The following UBN2 variants were observed in gnomAD, a reference collection of about 807,000 sequenced individuals.
UBN2 encodes the protein ubinuclein 2.
UBN2 carries 35 observed loss-of-function variants against 120.2 expected under a neutral mutation model. The observed-to-expected ratio is 0.29, with a 90% CI of 0.22 to 0.39. UBN2 has a LOEUF of 0.39. UBN2 is among the 10% of genes least tolerant of loss of function. The pLI is 1.00. For synonymous variants in UBN2, 661 were observed against 648.7 expected, an observed-to-expected ratio of 1.02 and a Z score of -0.29; for missense variants, 1,693 against 1,663.2, an observed-to-expected ratio of 1.02 and a Z score of -0.31.
intron 2 of UBN2, among the ~76,000 whole-genome samples, chr7:139,240,455 T>TATA (rs367875599): frequency 0.031 from 1,946 of 62,938 alleles, 26 homozygotes; most frequent in East Asian, 0.11. Context: ...TATATATATA[T>TATA]TTTTTTTTTT....
At chr7:139,291,190 G>A (rs1487703533) in intron 15 of UBN2, among the ~76,000 whole-genome samples, 3 of 151,160 alleles carry the variant, frequency 2.0e-5, no homozygotes, top group East Asian at 1.9e-4. Flanking sequence ...GTGAAACCCC[G>A]TCTCTACTAA....
chr7:139,310,401 T>C (rs1022687333), downstream of UBN2, among the ~76,000 whole-genome samples: 7 of 152,236 alleles, frequency 4.6e-5, no homozygotes, highest in South Asian at 1.5e-3. Context: ...CACAATCCCA[T>C]CTTCCTTCCC....
chr7:139,288,791 C>T (rs553281769), intron 15 of UBN2, among the ~76,000 whole-genome samples: 27 of 152,014 alleles, frequency 1.8e-4, no homozygotes, highest in Admixed American at 7.2e-4. Flanking sequence ...ATCACGAGGT[C>T]AGGAGATTGA....
At chr7:139,267,970 G>C (rs994987672) in intron 7 of UBN2, among the ~76,000 whole-genome samples, 5 of 152,202 alleles carry the variant, frequency 3.3e-5, no homozygotes, top group Admixed American at 6.5e-5. Flanking sequence ...TCCATAGTCA[G>C]GGATCTGACC....
At chr7:139,294,859 A>T (rs1290279470) in intron 17 of UBN2, among the ~76,000 whole-genome samples, 5 of 152,066 alleles carry the variant, frequency 3.3e-5, no homozygotes, top group Non-Finnish European at 7.4e-5. Flanking sequence ...AATTAATATG[A>T]TCCAAGCTGT....
chr7:139,276,243 T>C (rs1279128566), intron 12 of UBN2, 96 bp downstream of exon 12: 1 of 1,159,786 alleles, frequency 8.6e-7, no homozygotes, highest in African/African-American at 1.5e-5. Context: ...GGAATAGGAC[T>C]TAAAAAGATC....
intron 15 of UBN2, among the ~76,000 whole-genome samples, chr7:139,285,392 A>C (rs1309588972): frequency 6.6e-6 from 1 of 152,192 alleles, no homozygotes; most frequent in Non-Finnish European, 1.5e-5. Context: ...TGTACACCTG[A>C]TAATTTCTTT....
intron 13 of UBN2, among the ~76,000 whole-genome samples, chr7:139,281,586 T>C (rs1797613195): frequency 6.6e-6 from 1 of 152,224 alleles, no homozygotes; most frequent in African/African-American, 2.4e-5. Flanking sequence ...TAACCTGCTT[T>C]TTTGACTCAG....
chr7:139,259,667 AAAAC>A (rs1796871524), intron 5 of UBN2, among the ~76,000 whole-genome samples: 1 of 152,358 alleles, frequency 6.6e-6, no homozygotes, highest in African/African-American at 2.4e-5. Flanking sequence ...TTTTGGTACT[AAAAC>A]TAAGTTTAGA....
intron 2 of UBN2, among the ~76,000 whole-genome samples, chr7:139,238,219 G>A (rs1295837664): frequency 6.6e-6 from 1 of 152,024 alleles, no homozygotes; most frequent in Non-Finnish European, 1.5e-5. Context: ...GCTCACATTG[G>A]CCTTGTCATT....
intron 9 of UBN2, 141 bp downstream of exon 9, chr7:139,272,581 G>C: frequency 1.6e-6 from 1 of 631,002 alleles, no homozygotes. Context: ...GGCTGGAGTG[G>C]AATGGTACGA....
chr7:139,246,093 G>A (rs1796460621), intron 2 of UBN2, among the ~76,000 whole-genome samples: 1 of 152,078 alleles, frequency 6.6e-6, no homozygotes, highest in Admixed American at 6.6e-5. Context: ...GGCCAGGCGC[G>A]GTGGCTCACA....
chr7:139,272,612 C>T (rs996116953), intron 9 of UBN2, among the ~76,000 whole-genome samples, 172 bp downstream of exon 9: 12 of 152,066 alleles, frequency 7.9e-5, no homozygotes, highest in African/African-American at 2.9e-4. Context: ...GTACAACCTC[C>T]GCCTCCCGGG....
intron 11 of UBN2, among the ~76,000 whole-genome samples, chr7:139,275,792 G>A (rs1330595222): frequency 6.6e-6 from 1 of 151,946 alleles, no homozygotes. Flanking sequence ...GGGCAGCATA[G>A]TGAGACCCCT....
chr7:139,288,821 G>A (rs972973680), intron 15 of UBN2, among the ~76,000 whole-genome samples: 22 of 151,998 alleles, frequency 1.4e-4, no homozygotes, highest in Admixed American at 3.9e-4. Flanking sequence ...GGCCAACATG[G>A]TGAAACCCCA....
At chr7:139,255,280 A>G (rs190333603) in intron 3 of UBN2, among the ~76,000 whole-genome samples, 15 of 152,264 alleles carry the variant, frequency 9.9e-5, no homozygotes, top group African/African-American at 1.9e-4. Flanking sequence ...TTTGTAACCC[A>G]TAATTGGCTT....
At chr7:139,319,076 G>A in the UBN2 span, among the ~76,000 whole-genome samples, 3 of 151,902 alleles carry the variant, frequency 2.0e-5, no homozygotes, top group African/African-American at 7.3e-5. Context: ...TTGTTGTTTT[G>A]TTTTGTTTTG....
At chr7:139,258,464 A>G (rs1223663188) in intron 3 of UBN2, 24 bp from the exon 4 acceptor site, 10 of 1,531,770 alleles carry the variant, frequency 6.5e-6, no homozygotes, top group Non-Finnish European at 7.9e-6. Flanking sequence ...GATATAGCGG[A>G]AACTTTTTTG....
downstream of UBN2, among the ~76,000 whole-genome samples, chr7:139,311,898 G>A (rs568652710): frequency 1.3e-5 from 2 of 152,252 alleles, no homozygotes; most frequent in Non-Finnish European, 2.9e-5. Flanking sequence ...GTGATTCCAC[G>A]TCACCAAGAT....
Sources: gnomAD v4.1 joint callset for allele counts (sites outside exome capture counted in the v4.1 genomes callset) on GRCh38, gnomAD v4.1.1 for gene constraint, MANE v1.5 for transcripts, NCBI Gene and HGNC (gene_info 2026-07-23, HGNC 2026-07-21) for gene names.